Variants in SH2B3 observed in about 807,000 individuals in gnomAD.
SH2B3 encodes SH2B adapter protein 3.
A neutral mutation model predicts 51.9 loss-of-function variants in SH2B3; 43 were observed. That is an observed-to-expected ratio of 0.83 (90% CI 0.65 to 1.07). The LOEUF is 1.07. Among genes scored for constraint, SH2B3 ranks in the 50% least tolerant of loss-of-function variants. The pLI is 0.00. For missense variants in SH2B3, 952 were observed against 834.3 expected, an observed-to-expected ratio of 1.14 and a Z score of -1.74; for synonymous variants, 396 against 376.0, an observed-to-expected ratio of 1.05 and a Z score of -0.62.
chr12:111,446,802 G>A lies in SH2B3; in HGVS notation c.782G>A (p.Arg261Gln), dbSNP rs746966074. Residue 261 changes from arginine (R) to glutamine (Q), a missense_variant, in exon 3 of 8, where the codon CGG becomes CAG. Coordinates refer to ENST00000341259, the MANE Select transcript of SH2B3 (RefSeq NM_005475.3). Reference sequence around the variant, plus strand: ...GCTTGCTCCAGCATCCAGGAGGTCCGGTGGTGCACACGGCTTGAGATGCCT... The same window carrying A: ...GCTTGCTCCAGCATCCAGGAGGTCCAGTGGTGCACACGGCTTGAGATGCCT... ...QAACSSIQEVRWCTRLEMPDN... is the reference protein window; with the variant it reads ...QAACSSIQEVQWCTRLEMPDN... 3.8e-6 allele frequency: 6 copies of A among 1,572,208 alleles called. No homozygotes were observed. Among genetic ancestry groups the A allele is most frequent in the East Asian group, 2.2e-5 (1 of 44,478 alleles).
chr12:111,451,529 TA>T lies in SH2B3; in HGVS notation c.*3228del. On this transcript the variant is annotated 3_prime_UTR_variant, in exon 8 of 8. Transcript: ENST00000341259. Reference sequence around the variant, plus strand: ...TTTGGCAAATTTTTATGTATTGTTTTATGTACTGTACAAGTAACTTATTCTT... The same window carrying T: ...TTTGGCAAATTTTTATGTATTGTTTTTGTACTGTACAAGTAACTTATTCTT... 1 of 152,810 alleles carries T rather than the reference TA, an allele frequency of 6.5e-6. No individual in the cohort carries two copies. The highest frequency in any genetic ancestry group is 1.9e-4 in the East Asian group (1 of 5,192). The allele number at this position is 152,810 out of a possible 1,614,324, so 9.5% of individuals were successfully genotyped here. A position where few individuals can be genotyped will look rare whatever the true frequency, so the allele number is the denominator to read the frequency against.
chr12:111,408,781 G>A (rs1394320666), intron 1 of SH2B3, among the ~76,000 whole-genome samples: 6 of 152,214 alleles, frequency 3.9e-5, no homozygotes, highest in Non-Finnish European at 8.8e-5. Flanking sequence ...ACCCTTCTGA[G>A]GGCTGGTGTT....
At chr12:111,436,545 G>T (rs1033504608) in intron 2 of SH2B3, among the ~76,000 whole-genome samples, 1 of 152,096 alleles carries the variant, frequency 6.6e-6, no homozygotes, top group Admixed American at 6.5e-5. Context: ...TGGCCACCTG[G>T]TGGAGTCGGC....
intron 1 of SH2B3, among the ~76,000 whole-genome samples, chr12:111,408,008 G>T (rs1870381291): frequency 6.6e-6 from 1 of 152,196 alleles, no homozygotes; most frequent in African/African-American, 2.4e-5. Context: ...GGCAAAGAGA[G>T]GTTCAGTTGC....
upstream of SH2B3, among the ~76,000 whole-genome samples, chr12:111,405,579 G>A (rs1349716510): frequency 6.6e-6 from 1 of 151,792 alleles, no homozygotes; most frequent in East Asian, 1.9e-4. The surrounding 1 kb of genome is among the most constrained non-coding windows in gnomAD (Gnocchi z 5.4). Flanking sequence ...GTGACCTGCC[G>A]GCGTTGAGTG....
chr12:111,419,859 CA>C (rs1277121998), intron 2 of SH2B3, among the ~76,000 whole-genome samples: 1 of 152,216 alleles, frequency 6.6e-6, no homozygotes, highest in Non-Finnish European at 1.5e-5. Context: ...GCTCGCCCCC[CA>C]GGATACCACA....
chr12:111,436,748 T>C (rs946073287), intron 2 of SH2B3, among the ~76,000 whole-genome samples: 4 of 151,992 alleles, frequency 2.6e-5, no homozygotes, highest in African/African-American at 9.7e-5. Flanking sequence ...GTGGTTGCTG[T>C]CTCTCTGAGA....
rs184148759 is a variant in SH2B3 at position 111,438,184 on chromosome 12, C to T, written c.733-8569C>T. Among the ~76,000 whole-genome samples, 47 of 139,808 alleles carry T rather than the reference C, an allele frequency of 3.4e-4. No individual in the cohort carries two copies. Among genetic ancestry groups the T allele is most frequent in the African/African-American group, 1.0e-3 (38 of 37,648 alleles). The allele number at this position is 139,808 out of a possible 152,430, so 91.7% of individuals were successfully genotyped here. A position where few individuals can be genotyped will look rare whatever the true frequency, so the allele number is the denominator to read the frequency against. Reference sequence around the variant, plus strand: ...GCTGGGTGGCAGGGGAAGGTGTGGGCGGGAAGGCGGCTGGAGGGAGACCAG... The same window carrying T: ...GCTGGGTGGCAGGGGAAGGTGTGGGTGGGAAGGCGGCTGGAGGGAGACCAG... On this transcript the variant is annotated intron_variant, in intron 2 of 7. Transcript: ENST00000341259. This position sits in a 1 kb window ranked among gnomAD's most constrained non-coding sequence, Gnocchi z 4.2.
In SH2B3 at chr12:111,447,331, T is replaced by TAC; in HGVS notation, c.1023_1024insAC (p.Ala342ThrfsTer32). On this transcript the variant is annotated frameshift_variant and splice_region_variant, in exon 6 of 8. Coordinates refer to ENST00000341259, the MANE Select transcript of SH2B3 (RefSeq NM_005475.3). LOFTEE classifies it high-confidence loss of function. ...ACCATCACCCATCTTATCTAACAGG[T>TAC]GCTTCTCCTGGGGGGCTGCTGGACC... is the stretch of plus-strand genomic sequence containing the variant. The TAC allele has an allele frequency of 6.2e-7, 1 of 1,613,210 alleles. No homozygotes were observed. Among genetic ancestry groups the TAC allele is most frequent in the Non-Finnish European group, 8.5e-7 (1 of 1,179,364 alleles).
chr12:111,418,460 G>GCCAGGC lies in SH2B3; in HGVS notation c.318_323dup (p.Gly109_Pro110dup). The GCCAGGC allele has an allele frequency of 7.3e-7, 1 of 1,379,206 alleles. No individual in the cohort carries two copies. Among genetic ancestry groups the GCCAGGC allele is most frequent in the South Asian group, 1.5e-5 (1 of 65,748 alleles). The allele number at this position is 1,379,206 out of a possible 1,614,324, so 85.4% of individuals were successfully genotyped here. On this transcript the variant is annotated inframe_insertion, in exon 2 of 8. Coordinates refer to ENST00000341259, the MANE Select transcript of SH2B3 (RefSeq NM_005475.3). This position sits in a 1 kb window ranked among gnomAD's most constrained non-coding sequence, Gnocchi z 6.7. ...CAGCCAAGGCCGAGGCGTCCCCGGAGCCAGGCCCCGGCCCCGCCGCCCCTG... is the reference window on the plus strand; with the variant it reads ...CAGCCAAGGCCGAGGCGTCCCCGGAGCCAGGCCCAGGCCCCGGCCCCGCCGCCCCTG...
chr12:111,420,680 T>G (rs551204246), intron 2 of SH2B3, among the ~76,000 whole-genome samples: 1 of 152,252 alleles, frequency 6.6e-6, no homozygotes, highest in African/African-American at 2.4e-5. Context: ...GCACCTACTA[T>G]GTGTTAGGCA....
rs1394412034 is a variant in SH2B3, at chr12:111,406,574, C to T, written c.-28+297C>T. On this transcript the variant is annotated intron_variant, in intron 1 of 7. Transcript: ENST00000341259. This position sits in a 1 kb window ranked among gnomAD's most constrained non-coding sequence, Gnocchi z 5.7. ...CCCCCAGCCCACCCTACGGTAGCCT[C>T]GCCGGTTGGGGGCGGCCCTCCCCTC... 6.6e-6 allele frequency among the ~76,000 whole-genome samples: 1 copy of T among 152,190 alleles called. No homozygotes were observed. The highest frequency in any genetic ancestry group is 1.5e-5 in the Non-Finnish European group (1 of 68,016).
At chr12:111,425,775 A>T (rs143642783) in intron 2 of SH2B3, among the ~76,000 whole-genome samples, 145 of 152,216 alleles carry the variant, frequency 9.5e-4, no homozygotes, top group African/African-American at 3.1e-3. Context: ...GGAGAGTATG[A>T]CATGATTTCC....
chr12:111,416,244 A>T lies in SH2B3; in HGVS notation c.-27-1875A>T, dbSNP rs568736176. Among the ~76,000 whole-genome samples the T allele has an allele frequency of 7.5e-4, 114 of 151,760 alleles. 2 individuals carry two copies. In the South Asian group the frequency reaches 0.024, roughly 31 times the overall value. On this transcript the variant is annotated intron_variant, in intron 1 of 7. Transcript: ENST00000341259. ...GGCGTGAGCCACCGTGCCCGGCCCT[A>T]TGTTTATTTTTTAGACACCAATAAT...
chr12:111,447,886 C>A, intron 7 of SH2B3, 59 bp downstream of exon 7: 2 of 1,578,134 alleles, frequency 1.3e-6, no homozygotes, highest in South Asian at 1.1e-5. Context: ...AGGGTAGAGG[C>A]TTGCTGCAGA....
In SH2B3 at chr12:111,418,290, G is replaced by A. The variant is rs895574020; in HGVS notation, c.145G>A (p.Ala49Thr). 11 of 1,536,922 alleles carry A rather than the reference G, an allele frequency of 7.2e-6. No homozygotes were observed. The highest frequency in any genetic ancestry group is 2.5e-5 in the East Asian group (1 of 40,692). ...GCTGGCCCGCCAGTACTGGCTGTTCGCCCGGGAGCATCCGCAGCACGCGCC... is the reference window on the plus strand; with the variant it reads ...GCTGGCCCGCCAGTACTGGCTGTTCACCCGGGAGCATCCGCAGCACGCGCC... Reference protein sequence around the residue: ...RELARQYWLFAREHPQHAPLR... With the variant: ...RELARQYWLFTREHPQHAPLR... The change falls in exon 2 of 8, where the codon GCC becomes ACC. Residue 49 changes from alanine (A) to threonine (T), a missense_variant. Ala to Thr is a moderately conservative substitution (Grantham distance 58, BLOSUM62 0). Transcript: ENST00000341259. The surrounding 1 kb of genome is among the most constrained non-coding windows in gnomAD (Gnocchi z 6.7).
chr12:111,420,036 C>T (rs955108140), intron 2 of SH2B3, among the ~76,000 whole-genome samples: 1 of 152,156 alleles, frequency 6.6e-6, no homozygotes, highest in Non-Finnish European at 1.5e-5. Context: ...GGGCTGGTAG[C>T]AGGTCACTCT....
At chr12:111,408,105 C>G (rs1421010026) in intron 1 of SH2B3, among the ~76,000 whole-genome samples, 2 of 152,112 alleles carry the variant, frequency 1.3e-5, no homozygotes, top group Non-Finnish European at 1.5e-5. Context: ...CAGTAGTCTC[C>G]CTTGAGCATC....
At chr12:111,414,320 G>A (rs556297611) in intron 1 of SH2B3, among the ~76,000 whole-genome samples, 6 of 152,292 alleles carry the variant, frequency 3.9e-5, no homozygotes, top group African/African-American at 9.6e-5. Context: ...AGCAGGGCAC[G>A]GTGGCTCATG....
Sources: allele counts gnomAD v4.1 joint callset (sites outside exome capture counted in the v4.1 genomes callset), GRCh38; gene constraint gnomAD v4.1.1; non-coding constraint Gnocchi (gnomAD v3.1); transcripts MANE v1.5; gene names NCBI Gene and HGNC (gene_info 2026-07-23, HGNC 2026-07-21).